Variants in DMD observed in about 807,000 individuals in gnomAD.
DMD encodes mutant dystrophin.
Under a neutral mutation model 330.1 loss-of-function variants are expected in DMD, and 63 were observed. That is an observed-to-expected ratio of 0.19 (90% CI 0.16 to 0.24). DMD has a LOEUF of 0.24. Among genes scored for constraint, DMD ranks in the 10% least tolerant of loss-of-function variants. DMD has a pLI of 1.00. For missense variants in DMD, 3,344 were observed against 2,684.1 expected, an observed-to-expected ratio of 1.25 and a Z score of -5.43; for synonymous variants, 1,223 against 959.8, an observed-to-expected ratio of 1.27 and a Z score of -5.07.
chrX:33,086,789 A>G (rs913191943), intron 1 of DMD, among the ~76,000 whole-genome samples: 2 of 108,236 alleles, frequency 1.8e-5, no homozygotes, highest in Admixed American at 1.0e-4. Context: ...ATATGTTTAT[A>G]TATATTTTAT....
At chrX:32,059,022 A>G (rs1192322542) in intron 44 of DMD, among the ~76,000 whole-genome samples, 1 of 111,568 alleles carries the variant, frequency 9.0e-6, no homozygotes, top group East Asian at 2.8e-4. Context: ...ATCCACTTAC[A>G]TGAGGTATCT....
In DMD at chrX:32,510,159, T is replaced by C. The variant is rs555522022; in HGVS notation, c.2292+7849A>G. The stretch of plus-strand genomic sequence containing the variant: ...TGAATAAAAGCTCAAGTCCTTACCA[T>C]GGTCTGATCTTAATTAACTTCCTTA... On this transcript the variant is annotated intron_variant, in intron 18 of 78. Transcript: ENST00000357033. 7.1e-5 allele frequency among the ~76,000 whole-genome samples: 8 copies of C among 112,098 alleles called. No homozygotes were observed. In the South Asian group the frequency reaches 3.0e-3, roughly 42 times the overall value.
chrX:33,106,054 C>CCA lies in DMD; in HGVS notation c.32-85856_32-85855dup, dbSNP rs1557263796. ...ATAAAGAAAATGTGAGATACACACACCACACACACACACACACACACACAC... is the reference window on the plus strand; with the variant it reads ...ATAAAGAAAATGTGAGATACACACACCACACACACACACACACACACACACAC... On this transcript the variant is annotated intron_variant, in intron 1 of 78. Transcript: ENST00000357033. Among the ~76,000 whole-genome samples the CCA allele has an allele frequency of 5.3e-3, 473 of 89,435 alleles. 3 individuals are homozygous for CCA. The highest frequency in any genetic ancestry group is 0.023 in the African/African-American group (428 of 18,310). 77.7% of individuals were successfully genotyped at this position (89,435 alleles called of 115,157 possible).
At chrX:31,916,467 G>A (rs1030819118) in intron 47 of DMD, among the ~76,000 whole-genome samples, 5 of 112,043 alleles carry the variant, frequency 4.5e-5, no homozygotes, top group Non-Finnish European at 9.4e-5. Context: ...TTTTGAATGA[G>A]TATCTAAAGT....
chrX:31,557,064 A>G (rs1464569564), intron 55 of DMD, among the ~76,000 whole-genome samples: 1 of 112,426 alleles, frequency 8.9e-6, no homozygotes, highest in Non-Finnish European at 1.9e-5. Context: ...TCTAAATACA[A>G]TTTAGTACAA....
At chrX:31,309,109 A>G (rs2055275585) in intron 62 of DMD, among the ~76,000 whole-genome samples, 1 of 111,893 alleles carries the variant, frequency 8.9e-6, no homozygotes, top group South Asian at 3.8e-4. Context: ...AAATCAAAAC[A>G]AATGATCAAG....
At chrX:32,045,182 C>G (rs911692445) in intron 44 of DMD, among the ~76,000 whole-genome samples, 10 of 110,412 alleles carry the variant, frequency 9.1e-5, no homozygotes, top group African/African-American at 3.0e-4. Flanking sequence ...ACTTCCTGTA[C>G]AGCCTGCAGA....
At chrX:32,350,397 G>A (rs189655610) in intron 37 of DMD, among the ~76,000 whole-genome samples, 54 of 110,877 alleles carry the variant, frequency 4.9e-4, no homozygotes, top group Non-Finnish European at 9.5e-5. Context: ...TATCTTTCCC[G>A]CAAACTGCTT....
rs779738159 is a variant in DMD at position 31,140,960 on chromosome X, G to A, written c.10921+5331C>T. Among the ~76,000 whole-genome samples, 12 of 111,530 alleles carry A rather than the reference G, an allele frequency of 1.1e-4. No homozygotes were observed. The East Asian group carries it at 3.4e-3, about 31-fold the overall frequency. ...AATCCCAGCACTTTGGGAGGCTGAGGCGGGTGGATTGCTTGAGGTTGGGAG... is the reference window on the plus strand; with the variant it reads ...AATCCCAGCACTTTGGGAGGCTGAGACGGGTGGATTGCTTGAGGTTGGGAG... On this transcript the variant is annotated intron_variant, in intron 76 of 78. Transcript: ENST00000357033.
intron 60 of DMD, among the ~76,000 whole-genome samples, chrX:31,416,694 T>C (rs986657950): frequency 8.9e-6 from 1 of 112,320 alleles, no homozygotes; most frequent in African/African-American, 3.2e-5. Context: ...GCATGAAGCA[T>C]GAAGCTGCGG....
At chrX:33,121,452 C>T (rs1416634038) in intron 1 of DMD, among the ~76,000 whole-genome samples, 1 of 111,135 alleles carries the variant, frequency 9.0e-6, no homozygotes, top group Non-Finnish European at 1.9e-5. Context: ...AGGCAGGTCT[C>T]GACATCCTGA....
chrX:31,322,978 A>G (rs2056531722), intron 62 of DMD, among the ~76,000 whole-genome samples: 1 of 111,864 alleles, frequency 8.9e-6, no homozygotes, highest in Admixed American at 9.5e-5. Flanking sequence ...ACGTTGACCC[A>G]ATGTATTGTC....
intron 29 of DMD, among the ~76,000 whole-genome samples, chrX:32,433,120 T>C (rs1044378501): frequency 8.9e-6 from 1 of 112,564 alleles, no homozygotes; most frequent in African/African-American, 3.2e-5. Context: ...AGACTCTAAA[T>C]TTTATTTTAA....
intron 13 of DMD, among the ~76,000 whole-genome samples, chrX:32,583,496 T>A (rs1163985546): frequency 9.0e-6 from 1 of 111,058 alleles, no homozygotes; most frequent in Non-Finnish European, 1.9e-5. Context: ...CGAAACTCCA[T>A]CTCAAAAAAA....
chrX:32,017,029 G>A (rs1380408978), intron 44 of DMD, among the ~76,000 whole-genome samples: 1 of 111,997 alleles, frequency 8.9e-6, no homozygotes, highest in Non-Finnish European at 1.9e-5. Context: ...TAAAATGCTT[G>A]GGGAGCAATC....
intron 41 of DMD, among the ~76,000 whole-genome samples, 158 bp downstream of exon 41, chrX:32,341,942 C>T (rs1267662371): frequency 1.8e-5 from 2 of 110,988 alleles, no homozygotes; most frequent in East Asian, 5.7e-4. Flanking sequence ...ACTAGTGTTA[C>T]AGAAGCCCAA....
chrX:32,934,699 C>A (rs375742184), intron 2 of DMD, among the ~76,000 whole-genome samples: 28 of 111,096 alleles, frequency 2.5e-4, no homozygotes, highest in African/African-American at 8.8e-4. Flanking sequence ...ATGTCCATCC[C>A]AATAACTGAA....
chrX:32,080,731 C>A (rs2096385274), intron 44 of DMD, among the ~76,000 whole-genome samples: 1 of 111,693 alleles, frequency 9.0e-6, no homozygotes, highest in Admixed American at 9.5e-5. Context: ...TGGTGGCAGA[C>A]AGCCTTCAGC....
chrX:31,879,274 C>T (rs1400940260), intron 47 of DMD, among the ~76,000 whole-genome samples: 1 of 108,750 alleles, frequency 9.2e-6, no homozygotes, highest in Non-Finnish European at 1.9e-5. Flanking sequence ...TACATGGCAG[C>T]AGGGAAGAGA....
Sources: allele counts gnomAD v4.1 joint callset (sites outside exome capture counted in the v4.1 genomes callset), GRCh38; gene constraint gnomAD v4.1.1; transcripts MANE v1.5; gene names NCBI Gene and HGNC (gene_info 2026-07-23, HGNC 2026-07-21).